JMJD1C: variants seen among roughly 807,000 people sequenced by gnomAD.
JMJD1C encodes the protein jumonji domain-containing protein 1C.
A neutral mutation model predicts 245.3 loss-of-function variants in JMJD1C; 31 were observed. The ratio of observed to expected loss-of-function variants is 0.13; its 90% confidence interval spans 0.09 to 0.17. The LOEUF is 0.17. Among genes scored for constraint, JMJD1C ranks in the 10% least tolerant of loss-of-function variants. The probability of loss-of-function intolerance (pLI) is 1.00; values close to 1 mark genes in which losing one functional copy is unlikely to be tolerated. For synonymous variants in JMJD1C, 1,057 were observed against 1,017.4 expected (o/e 1.04, Z -0.74); for missense variants, 2,691 against 3,000.2 (o/e 0.90, Z 2.41).
chr10:63,399,253 T>C (rs1348154330), intron 1 of JMJD1C, among the ~76,000 whole-genome samples: 1 of 152,168 alleles, frequency 6.6e-6, no homozygotes, highest in Admixed American at 6.5e-5. Flanking sequence ...CTTAGTAATC[T>C]CTTAATAGCT....
chr10:63,184,992 CTT>C (rs1312816498), intron 20 of JMJD1C, among the ~76,000 whole-genome samples: 16 of 152,022 alleles, frequency 1.1e-4, no homozygotes, highest in Admixed American at 9.2e-4. Flanking sequence ...AAGTTTCACT[CTT>C]GTTGCCCGCC....
chr10:63,494,299 G>A (rs1013994269), intron 1 of JMJD1C, among the ~76,000 whole-genome samples: 10 of 147,962 alleles, frequency 6.8e-5, no homozygotes, highest in East Asian at 4.0e-4. Context: ...CAACATAAAC[G>A]AAACTCCGTC....
chr10:63,236,790 A>T (rs561381766), intron 3 of JMJD1C, among the ~76,000 whole-genome samples: 25 of 151,578 alleles, frequency 1.6e-4, no homozygotes, highest in Non-Finnish European at 3.1e-4. Context: ...ATACTTGTAT[A>T]AAGTATTCTA....
rs374404040 is a variant in JMJD1C, at chr10:63,392,867, A to AACACACACACAAACACACACAC, written c.169-12386_169-12385insGTGTGTGTGTTTGTGTGTGTGT. ...AAAAAGGTGGGCAAAAAAGTACATA[A>AACACACACACAAACACACACAC]ACACACACACACACACACACACACA... On this transcript the variant is annotated intron_variant, in intron 1 of 25. Transcript: ENST00000399262. 7.1e-5 allele frequency among the ~76,000 whole-genome samples: 8 copies of AACACACACACAAACACACACAC among 112,282 alleles called. No homozygotes were observed. The East Asian group carries it at 1.5e-3, about 22-fold the overall frequency. The allele number at this position is 112,282 out of a possible 152,430, so 73.7% of individuals were successfully genotyped here. A position where few individuals can be genotyped will look rare whatever the true frequency, so the allele number is the denominator to read the frequency against.
intron 3 of JMJD1C, among the ~76,000 whole-genome samples, chr10:63,237,272 C>T (rs539657218): frequency 3.9e-4 from 59 of 152,168 alleles, no homozygotes; most frequent in Non-Finnish European, 7.1e-4. Context: ...TCCTGACCTC[C>T]GGTGATCTGC....
chr10:63,448,156 TTTTAA>T (rs1340402645), intron 1 of JMJD1C, among the ~76,000 whole-genome samples: 4 of 152,170 alleles, frequency 2.6e-5, no homozygotes, highest in Admixed American at 2.6e-4. Context: ...TTTTATTTTA[TTTTAA>T]TTTTATTTTA....
chr10:63,452,475 C>A (rs1952130695), intron 1 of JMJD1C, among the ~76,000 whole-genome samples: 1 of 152,202 alleles, frequency 6.6e-6, no homozygotes, highest in African/African-American at 2.4e-5. Context: ...AATCCATCTT[C>A]ATTGCTGTTG....
rs1300075142 is a variant in JMJD1C, at chr10:63,184,671, C to T, written c.6898G>A (p.Ala2300Thr). Residue 2300 changes from alanine (A) to threonine (T), a missense_variant, in exon 21 of 26, where the codon GCC becomes ACC. Physicochemically the swap from Ala to Thr is moderately conservative, Grantham distance 58. Transcript: ENST00000399262. ...YCNPEGKFNL[A>T]SHLPGFFVRP... is the part of the protein sequence containing the mutation. ...ACAAAAAATCCTGGCAAATGAGAGGCCAAATTGAATTTTCCTTCTGGATTA... is the reference window on the plus strand; with the variant it reads ...ACAAAAAATCCTGGCAAATGAGAGGTCAAATTGAATTTTCCTTCTGGATTA... 1 of 1,613,752 alleles carries T rather than the reference C, an allele frequency of 6.2e-7. No homozygotes were observed. Among genetic ancestry groups the T allele is most frequent in the Admixed American group, 1.7e-5 (1 of 59,998 alleles).
chr10:63,298,654 T>C (rs1476549744), intron 2 of JMJD1C, among the ~76,000 whole-genome samples: 1 of 152,236 alleles, frequency 6.6e-6, no homozygotes, highest in Non-Finnish European at 1.5e-5. Flanking sequence ...ATATATCTTT[T>C]TGGGGAAAAC....
chr10:63,368,037 C>T (rs374607614), intron 2 of JMJD1C, among the ~76,000 whole-genome samples: 8 of 152,180 alleles, frequency 5.3e-5, no homozygotes, highest in African/African-American at 1.7e-4. Flanking sequence ...GTGAAAATGC[C>T]TGAGCCCATC....
chr10:63,366,863 C>T (rs893158592), intron 2 of JMJD1C, among the ~76,000 whole-genome samples: 1 of 152,138 alleles, frequency 6.6e-6, no homozygotes, highest in Non-Finnish European at 1.5e-5. Flanking sequence ...ACTATATAAT[C>T]CCTTGATTAT....
intron 1 of JMJD1C, among the ~76,000 whole-genome samples, chr10:63,422,427 A>T (rs1451477263): frequency 6.6e-6 from 1 of 152,142 alleles, no homozygotes; most frequent in African/African-American, 2.4e-5. Flanking sequence ...TAAAAAAAAG[A>T]ACACTTGCCA....
At chr10:63,287,292 A>C (rs1858097547) in intron 2 of JMJD1C, among the ~76,000 whole-genome samples, 1 of 152,282 alleles carries the variant, frequency 6.6e-6, no homozygotes, top group African/African-American at 2.4e-5. Context: ...GGGTGATGCA[A>C]AGATGAAGCT....
At chr10:63,383,317 G>A (rs1315631505) in intron 1 of JMJD1C, among the ~76,000 whole-genome samples, 1 of 151,966 alleles carries the variant, frequency 6.6e-6, no homozygotes, top group Admixed American at 6.6e-5. Context: ...TGGTCAAGGA[G>A]TTAACATCTG....
At chr10:63,275,931 C>T (rs917262357) in intron 2 of JMJD1C, among the ~76,000 whole-genome samples, 1 of 152,054 alleles carries the variant, frequency 6.6e-6, no homozygotes, top group Non-Finnish European at 1.5e-5. Flanking sequence ...ATCATTTTAA[C>T]GACTTAAAAA....
chr10:63,483,870 C>T (rs1953902444), intron 1 of JMJD1C, among the ~76,000 whole-genome samples: 2 of 152,162 alleles, frequency 1.3e-5, no homozygotes, highest in Admixed American at 1.3e-4. Context: ...TTAAACCAGA[C>T]ACATTATGTT....
chr10:63,415,981 G>T (rs1949777860), intron 1 of JMJD1C, among the ~76,000 whole-genome samples: 1 of 152,126 alleles, frequency 6.6e-6, no homozygotes, highest in Admixed American at 6.6e-5. Flanking sequence ...CTACACAGCT[G>T]AACCCATTTC....
intron 2 of JMJD1C, among the ~76,000 whole-genome samples, chr10:63,310,270 AG>A (rs1401751029): frequency 6.6e-6 from 1 of 152,216 alleles, no homozygotes; most frequent in Non-Finnish European, 1.5e-5. Flanking sequence ...AAAATCTCAA[AG>A]GGGTTCCTTC....
At chr10:63,280,975 TG>T (rs1183961363) in intron 2 of JMJD1C, among the ~76,000 whole-genome samples, 2 of 151,586 alleles carry the variant, frequency 1.3e-5, no homozygotes, top group East Asian at 3.9e-4. Context: ...TTTTTTTTTT[TG>T]AGACGGAGTC....
Sources: gnomAD v4.1 joint callset for allele counts (sites outside exome capture counted in the v4.1 genomes callset) on GRCh38, gnomAD v4.1.1 for gene constraint, MANE v1.5 for transcripts, NCBI Gene and HGNC (gene_info 2026-07-23, HGNC 2026-07-21) for gene names.